LDAF1: variants seen among roughly 807,000 people sequenced by gnomAD.
LDAF1 encodes lipid droplet assembly factor 1, also known as PROMETHIN.
Under a neutral mutation model 13.5 loss-of-function variants are expected in LDAF1, and 7 were observed. The ratio of observed to expected loss-of-function variants is 0.52; its 90% CI spans 0.29 to 0.97. The LOEUF is 0.97. Ranked by LOEUF, LDAF1 falls within the 50% of genes least tolerant of loss-of-function variation. The pLI, the probability that LDAF1 is intolerant of heterozygous loss-of-function variation, is 0.07. For synonymous variants in LDAF1, 69 were observed against 77.1 expected (o/e 0.89, Z 0.55); for missense variants, 148 against 193.2 (o/e 0.77, Z 1.39).
At chr16:21,172,844 TCTTC>T (rs967595989) in intron 3 of LDAF1, 1 of 985,308 alleles carries the variant, frequency 1.0e-6, no homozygotes, top group Admixed American at 6.1e-5. Context: ...GTTGATGTTC[TCTTC>T]CTTCCAGCCT....
chr16:21,161,901 T>G (rs1195397650), intron 2 of LDAF1, among the ~76,000 whole-genome samples: 1 of 152,194 alleles, frequency 6.6e-6, no homozygotes, highest in Non-Finnish European at 1.5e-5. Context: ...CTCCCGCCTG[T>G]GATCCTAGCA....
At chr16:21,174,915 C>T (rs1292674806) in intron 4 of LDAF1, among the ~76,000 whole-genome samples, 1 of 152,126 alleles carries the variant, frequency 6.6e-6, no homozygotes, top group African/African-American at 2.4e-5. Context: ...ATGTGAGTTT[C>T]TCACCAACTG....
intron 1 of LDAF1, chr16:21,159,173 C>A: frequency 1.2e-6 from 1 of 818,974 alleles, no homozygotes; most frequent in Non-Finnish European, 2.1e-6. Context: ...CCCCTCTTCT[C>A]CACCGAGGTC....
intron 4 of LDAF1, among the ~76,000 whole-genome samples, chr16:21,175,144 T>C (rs981643041): frequency 1.3e-5 from 2 of 152,234 alleles, no homozygotes; most frequent in African/African-American, 2.4e-5. Context: ...TAATGCTTTA[T>C]TTTTGTCCTT....
At chr16:21,173,688 G>A (rs1050650152) in intron 3 of LDAF1, among the ~76,000 whole-genome samples, 4 of 146,438 alleles carry the variant, frequency 2.7e-5, no homozygotes, top group Non-Finnish European at 6.0e-5. Context: ...ACTCCAGCCT[G>A]GGAGGCAGAG....
intron 2 of LDAF1, among the ~76,000 whole-genome samples, chr16:21,165,991 C>T (rs1024719903): frequency 2.6e-5 from 4 of 151,972 alleles, no homozygotes; most frequent in Non-Finnish European, 5.9e-5. Context: ...TCCCAAGTAG[C>T]TAGGATTACA....
chr16:21,167,931 G>A (rs1279779173), intron 2 of LDAF1, among the ~76,000 whole-genome samples: 3 of 148,808 alleles, frequency 2.0e-5, no homozygotes, highest in Non-Finnish European at 4.5e-5. Flanking sequence ...GCTTGAACCC[G>A]GGAGGCGGAG....
In LDAF1 at chr16:21,168,564, A is replaced by G. The variant is rs2093048803; in HGVS notation, c.97-1873A>G. ...TATAATACATATTATAATTATATAC[A>G]TATATAAATATAATATATTTATATA... On this transcript the variant is annotated intron_variant, in intron 2 of 4. Coordinates refer to ENST00000233047, the MANE Select transcript of LDAF1 (RefSeq NM_001301771.2). Among the ~76,000 whole-genome samples, 3 of 144,526 alleles carry G rather than the reference A, an allele frequency of 2.1e-5. No homozygotes were observed. The Admixed American group carries it at 2.1e-4, about 10-fold the overall frequency. 94.8% of individuals were successfully genotyped at this position (144,526 alleles called of 152,430 possible). A position where few individuals can be genotyped will look rare whatever the true frequency, so the allele number is the denominator to read the frequency against.
chr16:21,160,950 A>C lies in LDAF1; in HGVS notation c.-98-135A>C, dbSNP rs931913249. The C allele has an allele frequency of 1.9e-5, 21 of 1,078,582 alleles. No homozygotes were observed. In the African/African-American group the frequency reaches 3.2e-4, roughly 16 times the overall value. 66.8% of individuals were successfully genotyped at this position (1,078,582 alleles called of 1,614,324 possible). A position where few individuals can be genotyped will look rare whatever the true frequency, so the allele number is the denominator to read the frequency against. ...TAAATTCCTGGATTGAAGTGTGTGC[A>C]ATCTGAAATTGTTGTGAATATTGCC... On this transcript the variant is annotated intron_variant, in intron 1 of 4. Coordinates refer to ENST00000233047, the MANE Select transcript of LDAF1 (RefSeq NM_001301771.2).
rs985325546 is a variant in LDAF1, at chr16:21,180,008, T to C, written c.*452T>C. On this transcript the variant is annotated 3_prime_UTR_variant, in exon 5 of 5. Coordinates refer to ENST00000233047, the MANE Select transcript of LDAF1 (RefSeq NM_001301771.2). Reference sequence around the variant, plus strand: ...CAAAACAGAACAAGCCCTTCTGTGGTATTTGCTTTTTATCAGAAAGAACAG... The same window carrying C: ...CAAAACAGAACAAGCCCTTCTGTGGCATTTGCTTTTTATCAGAAAGAACAG... 6.4e-6 allele frequency: 1 copy of C among 155,834 alleles called. No homozygotes were observed. Among genetic ancestry groups the C allele is most frequent in the Non-Finnish European group, 1.4e-5 (1 of 70,258 alleles). 9.7% of individuals were successfully genotyped at this position (155,834 alleles called of 1,614,324 possible). A position where few individuals can be genotyped will look rare whatever the true frequency, so the allele number is the denominator to read the frequency against.
chr16:21,170,664 T>C (rs766824858), intron 3 of LDAF1, 59 bp downstream of exon 3: 230 of 1,603,090 alleles, frequency 1.4e-4, no homozygotes, highest in Non-Finnish European at 1.7e-4. Context: ...AAAAATACTT[T>C]TGGGGCCATT....
intron 2 of LDAF1, chr16:21,166,732 C>G (rs2152844162): frequency 3.7e-6 from 3 of 820,248 alleles, no homozygotes; most frequent in Non-Finnish European, 5.9e-6. Context: ...AATAAGGATG[C>G]ATGTGGATTC....
At chr16:21,177,844 C>G (rs750844544) in intron 4 of LDAF1, among the ~76,000 whole-genome samples, 8 of 151,946 alleles carry the variant, frequency 5.3e-5, no homozygotes, top group Non-Finnish European at 7.4e-5. Context: ...TCTTGAACTC[C>G]TGAGCTCAAG....
At chr16:21,160,802 A>G (rs2092964499) in intron 1 of LDAF1, among the ~76,000 whole-genome samples, 1 of 152,230 alleles carries the variant, frequency 6.6e-6, no homozygotes, top group Non-Finnish European at 1.5e-5. Context: ...CCTAATGGAA[A>G]TACAGTTAGC....
At chr16:21,173,055 C>T (rs894936113) in intron 3 of LDAF1, among the ~76,000 whole-genome samples, 1 of 152,106 alleles carries the variant, frequency 6.6e-6, no homozygotes, top group Admixed American at 6.6e-5. Flanking sequence ...ATTTTCCTTG[C>T]ACGTATTAGA....
At position 21,167,317 on chromosome 16, in the gene LDAF1, C is replaced by T. The variant is rs183373914; in HGVS notation, c.97-3120C>T. ...CTTTTCATCTGTTGGCCTGCAAGGC[C>T]GTAGGGATGAGGCTCAGGAAGGACC... On this transcript the variant is annotated intron_variant, in intron 2 of 4. Transcript: ENST00000233047. Among the ~76,000 whole-genome samples, 17 of 152,304 alleles carry T rather than the reference C, an allele frequency of 1.1e-4. No homozygotes were observed. The East Asian group carries it at 2.1e-3, about 19-fold the overall frequency.
intron 2 of LDAF1, 150 bp downstream of exon 2, chr16:21,161,428 C>T (rs749321829): frequency 3.8e-5 from 34 of 893,376 alleles, no homozygotes; most frequent in Non-Finnish European, 5.1e-5. Flanking sequence ...TATGCTGTGA[C>T]CTTCAAACTC....
intron 3 of LDAF1, 150 bp downstream of exon 3, chr16:21,170,755 G>T: frequency 1.1e-6 from 1 of 915,096 alleles, no homozygotes; most frequent in Non-Finnish European, 1.6e-6. Flanking sequence ...ATCCTCCCAC[G>T]TCGGCCTGCC....
chr16:21,171,672 CT>C (rs1197096346), intron 3 of LDAF1, among the ~76,000 whole-genome samples: 1 of 151,958 alleles, frequency 6.6e-6, no homozygotes. Flanking sequence ...AAGGAAGGGC[CT>C]TTTGGACAGG....
Sources: allele counts gnomAD v4.1 joint callset (sites outside exome capture counted in the v4.1 genomes callset), GRCh38; gene constraint gnomAD v4.1.1; transcripts MANE v1.5; gene names NCBI Gene and HGNC (gene_info 2026-07-23, HGNC 2026-07-21).